Variants in PARP10 observed in about 807,000 individuals in gnomAD.
PARP10 encodes protein mono-ADP-ribosyltransferase PARP10.
PARP10 carries 56 observed loss-of-function variants against 82.4 expected under a neutral mutation model. The observed-to-expected ratio is 0.68, with a 90% CI of 0.55 to 0.85. The LOEUF (loss-of-function observed/expected upper bound fraction) is 0.85. PARP10 is among the 40% of genes least tolerant of loss of function. The pLI is 0.00. For synonymous variants in PARP10, 576 were observed against 601.1 expected (o/e 0.96, Z 0.61); for missense variants, 1,227 against 1,379.4 (o/e 0.89, Z 1.75).
rs782647673 is a variant in PARP10 at position 143,978,104 on chromosome 8, G to A, written c.2557-23C>T. 2.0e-6 allele frequency: 3 copies of A among 1,480,044 alleles called. No homozygotes were observed. In the African/African-American group the frequency reaches 4.2e-5, roughly 21 times the overall value. 91.7% of individuals were successfully genotyped at this position (1,480,044 alleles called of 1,614,324 possible). On this transcript the variant is annotated intron_variant, in intron 9 of 10. Transcript: ENST00000313028. ...CACCTGCGGGGAAGGCCCGGGCCAG[G>A]ATTAAACACCCTCCCTACGCCCTGG...
Position 143,985,539 on chromosome 8 carries a change from G to A in PARP10, c.546C>T (p.Ala182=), listed in dbSNP as rs1554749101. 6.2e-7 allele frequency: 1 copy of A among 1,614,000 alleles called. No individual in the cohort carries two copies. Among genetic ancestry groups the A allele is most frequent in the South Asian group, 1.1e-5 (1 of 91,084 alleles). The change falls in exon 4 of 11, where the codon GCC becomes GCT. Residue 182 remains alanine, a synonymous_variant. Coordinates refer to ENST00000313028, the MANE Select transcript of PARP10 (RefSeq NM_032789.5). ...ACTCCAGCAACAGCAGGTCCACAGA[G>A]GCACCATCCCCCACCACACGCACCG... ...ARAVRVVGDG[A]SVDLLLLELY... is the part of the protein sequence containing the mutation.
rs1554748626 is a variant in PARP10 at position 143,984,381 on chromosome 8, G to A, written c.1509C>T (p.Ser503=). ...SCQAAEEFLR[S]LLGSISCHVL... The stretch of plus-strand genomic sequence containing the variant: ...CATGGCAGCTAATGCTGCCCAGCAG[G>A]CTCCGCAGAAACTCCTCAGCCGCCT... Residue 503 remains serine (S), a synonymous_variant, in exon 6 of 11, where the codon AGC becomes AGT. Transcript: ENST00000313028. The A allele has an allele frequency of 6.2e-7, 1 of 1,612,688 alleles. No homozygotes were observed. Among genetic ancestry groups the A allele is most frequent in the African/African-American group, 1.3e-5 (1 of 74,912 alleles).
chr8:143,996,053 C>A (rs781934378), upstream of PARP10, among the ~76,000 whole-genome samples: 8 of 152,284 alleles, frequency 5.3e-5, no homozygotes, highest in Middle Eastern at 6.8e-3. Context: ...AACCCTCCCC[C>A]AGATTACTCA....
chr8:143,980,318 TCAAAAAAAAAAA>T (rs1240921522), intron 9 of PARP10, among the ~76,000 whole-genome samples: 1 of 15,664 alleles, frequency 6.4e-5, no homozygotes, highest in African/African-American at 1.4e-4. Flanking sequence ...AGATTCCGTC[TCAAAAAAAAAAA>T]AAAAAAAAAA....
chr8:144,005,227 A>T lies in PARP10; in HGVS notation c.-80+7303T>A, dbSNP rs1055046388. Reference sequence around the variant, plus strand: ...GAGAGGAGTAAGGAGAGCATCGGGGAGGGACCAGCATCCACCAAGTCCGAG... The same window carrying T: ...GAGAGGAGTAAGGAGAGCATCGGGGTGGGACCAGCATCCACCAAGTCCGAG... On this transcript the variant is annotated intron_variant, in intron 1 of 3. Transcript: ENST00000530478. 2.8e-4 allele frequency among the ~76,000 whole-genome samples: 42 copies of T among 150,844 alleles called. 1 individual carries two copies. Among genetic ancestry groups the T allele is most frequent in the African/African-American group, 8.3e-4 (34 of 40,982 alleles).
upstream of PARP10, chr8:143,992,154 A>AC: frequency 6.2e-7 from 1 of 1,601,672 alleles, no homozygotes; most frequent in Non-Finnish European, 8.5e-7. Context: ...GGGCCTGGTC[A>AC]CCGTGGTTCT....
chr8:144,010,720 AT>A, intron 1 of PARP10, among the ~76,000 whole-genome samples: 1 of 152,064 alleles, frequency 6.6e-6, no homozygotes, highest in East Asian at 1.9e-4. Flanking sequence ...ACAAAAAAAA[AT>A]GTTTTTAATA....
upstream of PARP10, chr8:143,991,876 A>C (rs1587468097): frequency 6.2e-7 from 1 of 1,610,508 alleles, no homozygotes; most frequent in Non-Finnish European, 8.5e-7. Context: ...CTCCTTCCCC[A>C]GGTGTTCCTA....
chr8:143,994,080 G>A (rs1026151656), upstream of PARP10, among the ~76,000 whole-genome samples: 1 of 152,166 alleles, frequency 6.6e-6, no homozygotes, highest in African/African-American at 2.4e-5. Context: ...CTCACACCCC[G>A]CGGCTCTAGG....
At chr8:143,981,231 G>A (rs545878875) in intron 9 of PARP10, among the ~76,000 whole-genome samples, 53 of 152,300 alleles carry the variant, frequency 3.5e-4, no homozygotes, top group Admixed American at 2.9e-3. Flanking sequence ...GAGCGGTGAC[G>A]GTGTGTTGGT....
upstream of PARP10, chr8:143,992,198 G>A (rs782198762): frequency 8.7e-6 from 14 of 1,600,608 alleles, no homozygotes; most frequent in Admixed American, 1.7e-5. Flanking sequence ...CGGCAGGGGT[G>A]GCATGGGGGC....
At chr8:144,000,466 C>G (rs1283624417) in intron 1 of PARP10, among the ~76,000 whole-genome samples, 1 of 152,178 alleles carries the variant, frequency 6.6e-6, no homozygotes, top group Non-Finnish European at 1.5e-5. Context: ...GACTTTTAGC[C>G]TCCAGAACTG....
rs1554746641 is a variant in PARP10 at position 143,977,798 on chromosome 8, T to C, written c.2764A>G (p.Arg922Gly). ...TCCTGCACCGACAGGGAGGCGCGCC[T>C]GGCGAAATACACGCCCTTCCCGTAG... ...TVYGKGVYFA[R>G]RASLSVQDRY... Residue 922 changes from arginine to glycine, a missense_variant, in exon 11 of 11, where the codon AGG becomes GGG. Physicochemically the swap from Arg to Gly is moderately radical, Grantham distance 125 (BLOSUM62 -2). Coordinates refer to ENST00000313028, the MANE Select transcript of PARP10 (RefSeq NM_032789.5). The C allele has an allele frequency of 3.1e-6, 5 of 1,601,802 alleles. No homozygotes were observed. The South Asian group carries it at 5.6e-5, about 18-fold the overall frequency.
chr8:143,991,273 C>A (rs1554750383), upstream of PARP10: 2 of 1,544,958 alleles, frequency 1.3e-6, no homozygotes, highest in African/African-American at 1.4e-5. Context: ...TATCCTCCCC[C>A]CAACCCTGGA....
rs532846991 is a variant in PARP10 at position 144,002,538 on chromosome 8, A to G, written c.-80+9992T>C. ...TGATATCAGGACATATTATAAAACA[A>G]TAACAATTAAAACAGTGTGGTATTA... On this transcript the variant is annotated intron_variant, in intron 1 of 3. Coordinates refer to the PARP10 transcript ENST00000530478. Among the ~76,000 whole-genome samples the G allele has an allele frequency of 2.0e-5, 3 of 152,330 alleles. No homozygotes were observed. The East Asian group carries it at 5.8e-4, about 29-fold the overall frequency.
chr8:143,984,471 G>A, intron 5 of PARP10, 40 bp from the exon 6 acceptor site: 1 of 1,594,874 alleles, frequency 6.3e-7, no homozygotes, highest in Non-Finnish European at 8.5e-7. Flanking sequence ...CAGGTTTAGA[G>A]CACAGGAAAG....
At chr8:143,983,967 G>T in intron 7 of PARP10, 41 bp downstream of exon 7, 1 of 1,487,586 alleles carries the variant, frequency 6.7e-7, no homozygotes, top group East Asian at 2.3e-5. Context: ...GAGGTCAAGT[G>T]AGGGCCACAG....
At chr8:143,990,742 C>G (rs1472835842), upstream of PARP10, 1 of 152,234 alleles carries the variant, frequency 6.6e-6, no homozygotes, top group East Asian at 1.9e-4. The surrounding 1 kb of genome is among the most constrained non-coding windows in gnomAD (Gnocchi z 5.6). Flanking sequence ...CGGGGATTTC[C>G]TGGGATAGAA....
chr8:144,012,209 G>T (rs782023204), intron 1 of PARP10, among the ~76,000 whole-genome samples: 5 of 152,230 alleles, frequency 3.3e-5, no homozygotes, highest in Non-Finnish European at 5.9e-5. Flanking sequence ...ATTAACTTGC[G>T]GTGGGGGAGA....
Sources: allele counts gnomAD v4.1 joint callset (sites outside exome capture counted in the v4.1 genomes callset), GRCh38; gene constraint gnomAD v4.1.1; non-coding constraint Gnocchi (gnomAD v3.1); transcripts MANE v1.5; gene names NCBI Gene and HGNC (gene_info 2026-07-23, HGNC 2026-07-21).